The following TMEM95 variants were observed in gnomAD, a reference collection of about 807,000 sequenced individuals.
The protein encoded by TMEM95 is sperm-egg fusion protein TMEM95.
TMEM95 carries 21 observed loss-of-function variants against 27.7 expected under a neutral mutation model. The observed-to-expected ratio is 0.76, with a 90% CI of 0.54 to 1.09. TMEM95 has a LOEUF of 1.09. Among genes scored for constraint, TMEM95 ranks in the 50% least tolerant of loss-of-function variants. The probability of loss-of-function intolerance (pLI) is 0.00; values close to 1 mark genes in which losing one functional copy is unlikely to be tolerated. For missense variants in TMEM95, 203 were observed against 217.9 expected (o/e 0.93, Z 0.43); for synonymous variants, 77 against 85.7 (o/e 0.90, Z 0.56).
At position 7,356,436 on chromosome 17, in the gene TMEM95, T is replaced by C. The variant is rs1439310947; in HGVS notation, c.454T>C (p.Phe152Leu). Residue 152 changes from phenylalanine to leucine, a missense_variant, in exon 6 of 7, where the codon TTC (phenylalanine) becomes CTC (leucine). Coordinates refer to ENST00000576060, the MANE Select transcript of TMEM95 (RefSeq NM_001320436.2). ...AGCCAAGATTCTGCTCCTCTCCATC[T>C]TCGGAGCTTTCCTGCTTCTGGGTGT... ...WEAKILLLSI[F>L]GAFLLLGVLS... is the part of the protein sequence containing the mutation. 6.2e-7 allele frequency: 1 copy of C among 1,613,968 alleles called. No individual in the cohort carries two copies. The highest frequency in any genetic ancestry group is 2.2e-5 in the East Asian group (1 of 44,876).
Position 7,356,588 on chromosome 17 carries a change from T to G in TMEM95, c.498-11T>G, listed in dbSNP as rs762314598. The G allele has an allele frequency of 6.2e-7, 1 of 1,609,744 alleles. No homozygotes were observed. Among genetic ancestry groups the G allele is most frequent in the Non-Finnish European group, 8.5e-7 (1 of 1,177,900 alleles). ...CCCTCCCGTAGGCTTCCCACCCTCGTCTTCCCTCAGGTCCCACCACCTCCA... is the reference window on the plus strand; with the variant it reads ...CCCTCCCGTAGGCTTCCCACCCTCGGCTTCCCTCAGGTCCCACCACCTCCA... On this transcript the variant is annotated splice_polypyrimidine_tract_variant and intron_variant, in intron 6 of 6. Coordinates refer to ENST00000576060, the MANE Select transcript of TMEM95 (RefSeq NM_001320436.2).
chr17:7,356,737 C>CA lies in TMEM95; in HGVS notation c.*106dup, dbSNP rs776660633. The CA allele has an allele frequency of 7.8e-6, 10 of 1,280,334 alleles. No individual in the cohort carries two copies. The Admixed American group carries it at 1.2e-4, about 16-fold the overall frequency. The allele number at this position is 1,280,334 out of a possible 1,614,324, so 79.3% of individuals were successfully genotyped here. On this transcript the variant is annotated 3_prime_UTR_variant, in exon 7 of 7. Coordinates refer to ENST00000576060, the MANE Select transcript of TMEM95 (RefSeq NM_001320436.2). Reference sequence around the variant, plus strand: ...AGCCCCTTAGTCCCAGCTCCAAAGACAGTCTCCAGACCCTAAAACCCAGAC... The same window carrying CA: ...AGCCCCTTAGTCCCAGCTCCAAAGACAAGTCTCCAGACCCTAAAACCCAGAC...
chr17:7,355,493 T>C lies in TMEM95; in HGVS notation c.170-93T>C. ...GGCCCTTTCTGGACATGCTGGCCTTTCCCTCTGAGAGAGCTCCATATCTGG... is the reference window on the plus strand; with the variant it reads ...GGCCCTTTCTGGACATGCTGGCCTTCCCCTCTGAGAGAGCTCCATATCTGG... On this transcript the variant is annotated intron_variant, in intron 1 of 6. Coordinates refer to ENST00000576060, the MANE Select transcript of TMEM95 (RefSeq NM_001320436.2). This position sits in a 1 kb window ranked among gnomAD's most constrained non-coding sequence, Gnocchi z 4.9. The C allele has an allele frequency of 6.5e-7, 1 of 1,530,312 alleles. No individual in the cohort carries two copies. Among genetic ancestry groups the C allele is most frequent in the Non-Finnish European group, 8.8e-7 (1 of 1,133,136 alleles). The allele number at this position is 1,530,312 out of a possible 1,614,324, so 94.8% of individuals were successfully genotyped here.
In TMEM95 at chr17:7,356,145, G is replaced by T. The variant is rs777425483; in HGVS notation, c.329-51G>T. 4 of 1,597,836 alleles carry T rather than the reference G, an allele frequency of 2.5e-6. No individual in the cohort carries two copies. In the South Asian group the frequency reaches 4.4e-5, roughly 18 times the overall value. ...CAGGAGGAAGCTGGGTACCAGGCAG[G>T]GTGGAGGCCCGGCCTCCCCTCCCCA... On this transcript the variant is annotated intron_variant, in intron 4 of 6. Coordinates refer to ENST00000576060, the MANE Select transcript of TMEM95 (RefSeq NM_001320436.2).
In TMEM95 at chr17:7,356,078, G is replaced by C. The variant is rs191181284; in HGVS notation, c.328+29G>C. 4.9e-4 allele frequency: 787 copies of C among 1,613,996 alleles called. 3 individuals are homozygous for C. The African/African-American group carries it at 7.4e-3, about 15-fold the overall frequency. On this transcript the variant is annotated intron_variant, in intron 4 of 6. Coordinates refer to ENST00000576060, the MANE Select transcript of TMEM95 (RefSeq NM_001320436.2). The stretch of plus-strand genomic sequence containing the variant: ...AGTAGGAAAGGAAAGGGGTAGCAAG[G>C]ACCTGGGGCCTGCAGGGTGTCAGAG...
At position 7,356,856 on chromosome 17, in the gene TMEM95, A is replaced by G. The variant is rs1370678947; in HGVS notation, c.*224A>G. 3 of 546,092 alleles carry G rather than the reference A, an allele frequency of 5.5e-6. No individual in the cohort carries two copies. The highest frequency in any genetic ancestry group is 9.8e-6 in the Non-Finnish European group (3 of 307,076). 33.8% of individuals were successfully genotyped at this position (546,092 alleles called of 1,614,324 possible). A position where few individuals can be genotyped will look rare whatever the true frequency, so the allele number is the denominator to read the frequency against. ...CCCAGTGTCAGATGGCCTCCCGGGAACCCAGGCACCCACAGCTGGAAAGTT... is the reference window on the plus strand; with the variant it reads ...CCCAGTGTCAGATGGCCTCCCGGGAGCCCAGGCACCCACAGCTGGAAAGTT... On this transcript the variant is annotated 3_prime_UTR_variant, in exon 7 of 7. Coordinates refer to ENST00000576060, the MANE Select transcript of TMEM95 (RefSeq NM_001320436.2).
chr17:7,355,979 G>A lies in TMEM95; in HGVS notation c.308-50G>A, dbSNP rs760779169. On this transcript the variant is annotated intron_variant, in intron 3 of 6. Coordinates refer to ENST00000576060, the MANE Select transcript of TMEM95 (RefSeq NM_001320436.2). This position sits in a 1 kb window ranked among gnomAD's most constrained non-coding sequence, Gnocchi z 4.9. ...GGTCTTAACCAAAGGAATGTGTGGT[G>A]AGCAGCTCATCCATTCACACCCCCA... is the stretch of plus-strand genomic sequence containing the variant. The A allele has an allele frequency of 2.5e-6, 4 of 1,613,638 alleles. No individual in the cohort carries two copies. In the South Asian group the frequency reaches 4.4e-5, roughly 18 times the overall value.
chr17:7,356,167 C>G (rs765240307), intron 4 of TMEM95, 29 bp from the exon 5 acceptor site: 1 of 1,582,652 alleles, frequency 6.3e-7, no homozygotes, highest in Non-Finnish European at 8.6e-7. Context: ...GCCTCCCCTC[C>G]CCAGCGTTGC....
Position 7,356,721 on chromosome 17 carries a change from G to A in TMEM95, c.*89G>A, listed in dbSNP as rs1386087900. ...TGGAGGGGAACCAGTCAGCCCCTTAGTCCCAGCTCCAAAGACAGTCTCCAG... is the reference window on the plus strand; with the variant it reads ...TGGAGGGGAACCAGTCAGCCCCTTAATCCCAGCTCCAAAGACAGTCTCCAG... On this transcript the variant is annotated 3_prime_UTR_variant, in exon 7 of 7. Coordinates refer to ENST00000576060, the MANE Select transcript of TMEM95 (RefSeq NM_001320436.2). The A allele has an allele frequency of 1.1e-5, 15 of 1,427,940 alleles. No individual in the cohort carries two copies. Among genetic ancestry groups the A allele is most frequent in the Non-Finnish European group, 1.5e-5 (15 of 1,027,470 alleles). The allele number at this position is 1,427,940 out of a possible 1,614,324, so 88.5% of individuals were successfully genotyped here.
chr17:7,355,502 G>A lies in TMEM95; in HGVS notation c.170-84G>A. On this transcript the variant is annotated intron_variant, in intron 1 of 6. Coordinates refer to ENST00000576060, the MANE Select transcript of TMEM95 (RefSeq NM_001320436.2). The surrounding 1 kb of genome is among the most constrained non-coding windows in gnomAD (Gnocchi z 4.9). ...TGGACATGCTGGCCTTTCCCTCTGAGAGAGCTCCATATCTGGGAAAGTCAG... is the reference window on the plus strand; with the variant it reads ...TGGACATGCTGGCCTTTCCCTCTGAAAGAGCTCCATATCTGGGAAAGTCAG... The A allele has an allele frequency of 6.5e-7, 1 of 1,532,832 alleles. No homozygotes were observed. The highest frequency in any genetic ancestry group is 1.2e-5 in the South Asian group (1 of 82,602). 95.0% of individuals were successfully genotyped at this position (1,532,832 alleles called of 1,614,324 possible). A position where few individuals can be genotyped will look rare whatever the true frequency, so the allele number is the denominator to read the frequency against.
Position 7,356,007 on chromosome 17 carries a change from C to T in TMEM95, c.308-22C>T, listed in dbSNP as rs1267431249. 2.5e-6 allele frequency: 4 copies of T among 1,613,910 alleles called. No homozygotes were observed. The South Asian group carries it at 4.4e-5, about 18-fold the overall frequency. ...CAGCTCATCCATTCACACCCCCACC[C>T]CTTCCTTGTCTTTCATTTCAGCTCT... On this transcript the variant is annotated intron_variant, in intron 3 of 6. Transcript: ENST00000576060.
chr17:7,355,767 G>A lies in TMEM95; in HGVS notation c.227-71G>A, dbSNP rs2073483292. 6.4e-7 allele frequency: 1 copy of A among 1,567,996 alleles called. No individual in the cohort carries two copies. The highest frequency in any genetic ancestry group is 2.2e-5 in the East Asian group (1 of 44,620). ...GAGACAGGAGGGCTGATCAGGGAGG[G>A]GCTGCGTGAAGAGAGGGGGAACTGG... On this transcript the variant is annotated intron_variant, in intron 2 of 6. Transcript: ENST00000576060. This position sits in a 1 kb window ranked among gnomAD's most constrained non-coding sequence, Gnocchi z 4.9.
intron 5 of TMEM95, 48 bp downstream of exon 5, chr17:7,356,324 GCCCTTGGGCT>G: frequency 6.2e-7 from 1 of 1,606,436 alleles, no homozygotes; most frequent in Non-Finnish European, 8.5e-7. Context: ...AGATCCCTGA[GCCCTTGGGCT>G]CCCAAGTCGG....
chr17:7,355,795 C>G lies in TMEM95; in HGVS notation c.227-43C>G, dbSNP rs754946483. ...TGCGTGAAGAGAGGGGGAACTGGCC[C>G]CGTCGAGGCCCAGGGAAACGGAGCT... On this transcript the variant is annotated intron_variant, in intron 2 of 6. Transcript: ENST00000576060. The surrounding 1 kb of genome is among the most constrained non-coding windows in gnomAD (Gnocchi z 4.9). The G allele has an allele frequency of 1.2e-6, 2 of 1,601,754 alleles. No individual in the cohort carries two copies. Among genetic ancestry groups the G allele is most frequent in the African/African-American group, 1.3e-5 (1 of 74,542 alleles).
rs1315525402 is a variant in TMEM95, at chr17:7,356,687, C to T, written c.*55C>T. On this transcript the variant is annotated 3_prime_UTR_variant, in exon 7 of 7. Coordinates refer to ENST00000576060, the MANE Select transcript of TMEM95 (RefSeq NM_001320436.2). ...CTAAGGGGTATGCACTCACAACTTC[C>T]ACATCCCTTGGAGGGGAACCAGTCA... The T allele has an allele frequency of 6.3e-7, 1 of 1,595,306 alleles. No individual in the cohort carries two copies. Among genetic ancestry groups the T allele is most frequent in the African/African-American group, 1.3e-5 (1 of 74,302 alleles).
At chr17:7,356,299 C>T (rs763637493) in intron 5 of TMEM95, 23 bp downstream of exon 5, 43 of 1,592,594 alleles carry the variant, frequency 2.7e-5, no homozygotes, top group Middle Eastern at 3.3e-4. Flanking sequence ...ATCTTGGCCC[C>T]GCCCCACCTT....
In TMEM95 at chr17:7,356,021, C is replaced by A. The variant is rs1261289951; in HGVS notation, c.308-8C>A. 6.2e-7 allele frequency: 1 copy of A among 1,613,980 alleles called. No individual in the cohort carries two copies. The stretch of plus-strand genomic sequence containing the variant: ...ACACCCCCACCCCTTCCTTGTCTTT[C>A]ATTTCAGCTCTCTGTCCCCCCGCCT... On this transcript the variant is annotated splice_region_variant and splice_polypyrimidine_tract_variant and intron_variant, in intron 3 of 6. Transcript: ENST00000576060.
chr17:7,357,145 T>C lies in TMEM95; in HGVS notation c.*513T>C, dbSNP rs1427157298. Reference sequence around the variant, plus strand: ...GCGGGCATGCCCTCCCTCCATCGTGTTAACAGTTTGAAATCCTGGCCTCCC... The same window carrying C: ...GCGGGCATGCCCTCCCTCCATCGTGCTAACAGTTTGAAATCCTGGCCTCCC... On this transcript the variant is annotated 3_prime_UTR_variant, in exon 7 of 7. Coordinates refer to ENST00000576060, the MANE Select transcript of TMEM95 (RefSeq NM_001320436.2). 6.4e-6 allele frequency: 1 copy of C among 155,486 alleles called. No homozygotes were observed. The highest frequency in any genetic ancestry group is 1.9e-4 in the East Asian group (1 of 5,286). 9.6% of individuals were successfully genotyped at this position (155,486 alleles called of 1,614,324 possible). A position where few individuals can be genotyped will look rare whatever the true frequency, so the allele number is the denominator to read the frequency against.
rs971243299 is a variant in TMEM95, at chr17:7,355,618, A to G, written c.202A>G (p.Thr68Ala). 1 of 1,558,092 alleles carries G rather than the reference A, an allele frequency of 6.4e-7. No individual in the cohort carries two copies. Among genetic ancestry groups the G allele is most frequent in the Non-Finnish European group, 8.7e-7 (1 of 1,150,266 alleles). The change falls in exon 2 of 7, where the codon ACT becomes GCT. Residue 68 changes from threonine to alanine, a missense_variant. Transcript: ENST00000576060. This position sits in a 1 kb window ranked among gnomAD's most constrained non-coding sequence, Gnocchi z 4.9. Reference protein sequence around the residue: ...EVSMNKVTEKTHRVLRVMEIK... With the variant: ...EVSMNKVTEKAHRVLRVMEIK... Reference sequence around the variant, plus strand: ...GTCCATGAACAAAGTCACAGAGAAGACTCACAGAGTCCTGAGGGTCATGGG... The same window carrying G: ...GTCCATGAACAAAGTCACAGAGAAGGCTCACAGAGTCCTGAGGGTCATGGG...
Sources: allele counts gnomAD v4.1 joint callset, GRCh38; gene constraint gnomAD v4.1.1; non-coding constraint Gnocchi (gnomAD v3.1); transcripts MANE v1.5; gene names NCBI Gene and HGNC (gene_info 2026-07-23, HGNC 2026-07-21).